BCLAF1: variants seen among roughly 807,000 people sequenced by gnomAD.
BCLAF1 encodes the protein bcl-2-associated transcription factor 1.
In BCLAF1, 10 loss-of-function variants were observed where a neutral mutation model predicts 99.5. The observed-to-expected ratio is 0.10, with a 90% CI of 0.06 to 0.17. The LOEUF (loss-of-function observed/expected upper bound fraction) is 0.17. BCLAF1 is among the 10% of genes least tolerant of loss of function. BCLAF1 has a pLI of 1.00. For missense variants in BCLAF1, 636 were observed against 1,105.8 expected (o/e 0.58, Z 6.02); for synonymous variants, 255 against 370.9 (o/e 0.69, Z 3.59).
intron 11 of BCLAF1, among the ~76,000 whole-genome samples, chr6:136,264,912 C>T (rs1781512758): frequency 6.6e-6 from 1 of 152,118 alleles, no homozygotes; most frequent in Non-Finnish European, 1.5e-5. Flanking sequence ...TTATAAGTGG[C>T]TAAATTCTTA....
chr6:136,279,916 TATG>T, intron 2 of BCLAF1, 40 bp from the exon 3 acceptor site: 6 of 1,387,058 alleles, frequency 4.3e-6, no homozygotes, highest in Non-Finnish European at 4.7e-6. Flanking sequence ...AAAATTACAA[TATG>T]ATATTTAAAA....
rs1780719855 is a variant in BCLAF1, at chr6:136,259,503, C to A, written c.*1607G>T. ...AATATTAGTTATGCCCTGATTAATG[C>A]AATACATACTTCCTTTGGCAGGTAT... is the stretch of plus-strand genomic sequence containing the variant. On this transcript the variant is annotated 3_prime_UTR_variant, in exon 13 of 13. Transcript: ENST00000531224. 6.6e-6 allele frequency: 1 copy of A among 152,028 alleles called. No individual in the cohort carries two copies. Among genetic ancestry groups the A allele is most frequent in the African/African-American group, 2.4e-5 (1 of 41,426 alleles). 9.4% of individuals were successfully genotyped at this position (152,028 alleles called of 1,614,324 possible).
In BCLAF1 at chr6:136,284,130, G is replaced by GTATATATATATA. The variant is rs60218804; in HGVS notation, c.-114-1455_-114-1444dup. ...TATACATATATATGTGTGTGTGTGT[G>GTATATATATATA]TATATATATATATATATATATATAT... On this transcript the variant is annotated intron_variant, in intron 1 of 12. Coordinates refer to ENST00000531224, the MANE Select transcript of BCLAF1 (RefSeq NM_014739.3). Among the ~76,000 whole-genome samples, 179 of 122,072 alleles carry GTATATATATATA rather than the reference G, an allele frequency of 1.5e-3. 3 individuals are homozygous for GTATATATATATA. Among genetic ancestry groups the GTATATATATATA allele is most frequent in the Middle Eastern group, 4.1e-3 (1 of 244 alleles). The allele number at this position is 122,072 out of a possible 152,430, so 80.1% of individuals were successfully genotyped here.
intron 2 of BCLAF1, 89 bp from the exon 3 acceptor site, chr6:136,279,965 T>C (rs909331444): frequency 7.9e-7 from 1 of 1,266,342 alleles, no homozygotes; most frequent in Non-Finnish European, 1.0e-6. Flanking sequence ...TAAAATTTGA[T>C]TTTTACAAGT....
chr6:136,258,854 T>A lies in BCLAF1; in HGVS notation c.*2256A>T, dbSNP rs1780647177. On this transcript the variant is annotated 3_prime_UTR_variant, in exon 13 of 13. Coordinates refer to ENST00000531224, the MANE Select transcript of BCLAF1 (RefSeq NM_014739.3). ...AAGGTACACATACACACCTAAAGAG[T>A]CATGGCCTTCTTAAACAGCTTTCTT... The A allele has an allele frequency of 6.6e-6, 1 of 152,236 alleles. No homozygotes were observed. Among genetic ancestry groups the A allele is most frequent in the African/African-American group, 2.4e-5 (1 of 41,330 alleles). The allele number at this position is 152,236 out of a possible 1,614,324, so 9.4% of individuals were successfully genotyped here. A position where few individuals can be genotyped will look rare whatever the true frequency, so the allele number is the denominator to read the frequency against.
intron 11 of BCLAF1, among the ~76,000 whole-genome samples, chr6:136,263,077 C>G (rs1331740922): frequency 2.6e-5 from 4 of 152,152 alleles, no homozygotes; most frequent in African/African-American, 9.7e-5. Flanking sequence ...CTGTTCTGAA[C>G]ACTTCACATG....
intron 4 of BCLAF1, 126 bp downstream of exon 4, chr6:136,277,739 A>C (rs1783627150): frequency 1.7e-6 from 2 of 1,157,108 alleles, no homozygotes; most frequent in Non-Finnish European, 2.3e-6. Context: ...ATTATCTTAA[A>C]ATGAAGGAAG....
chr6:136,261,051 T>G lies in BCLAF1; in HGVS notation c.*59A>C. On this transcript the variant is annotated 3_prime_UTR_variant, in exon 13 of 13. Transcript: ENST00000531224. ...TTACATTCTTATTTGAAAACAAAAA[T>G]CAGGTAAAAAAAATGGTGGGTGCAA... The G allele has an allele frequency of 6.7e-7, 1 of 1,482,150 alleles. No homozygotes were observed. Among genetic ancestry groups the G allele is most frequent in the Non-Finnish European group, 9.1e-7 (1 of 1,100,480 alleles). 91.8% of individuals were successfully genotyped at this position (1,482,150 alleles called of 1,614,324 possible).
rs1179594975 is a variant in BCLAF1, at chr6:136,260,805, C to T, written c.*305G>A. 2.5e-6 allele frequency: 1 copy of T among 401,802 alleles called. No homozygotes were observed. Among genetic ancestry groups the T allele is most frequent in the Non-Finnish European group, 4.4e-6 (1 of 226,940 alleles). The allele number at this position is 401,802 out of a possible 1,614,324, so 24.9% of individuals were successfully genotyped here. A position where few individuals can be genotyped will look rare whatever the true frequency, so the allele number is the denominator to read the frequency against. ...GAAGAGAATCAGAACTTTCACAGAG[C>T]TGTACTTGACCATATCTTATAGACA... On this transcript the variant is annotated 3_prime_UTR_variant, in exon 13 of 13. Coordinates refer to ENST00000531224, the MANE Select transcript of BCLAF1 (RefSeq NM_014739.3).
At chr6:136,287,374 G>C (rs535120490) in intron 1 of BCLAF1, among the ~76,000 whole-genome samples, 1 of 152,268 alleles carries the variant, frequency 6.6e-6, no homozygotes, top group East Asian at 1.9e-4. Flanking sequence ...ATATAATCTA[G>C]TATTATCTTC....
In BCLAF1 at chr6:136,267,021, A is replaced by G; in HGVS notation, c.2544+8T>C. On this transcript the variant is annotated splice_region_variant and intron_variant, in intron 11 of 12. Coordinates refer to ENST00000531224, the MANE Select transcript of BCLAF1 (RefSeq NM_014739.3). ...CAAACCAAATAAACACAGATGTCTA[A>G]CACCCACCAAGAAGTACTTCTTGCT... The G allele has an allele frequency of 2.5e-6, 4 of 1,612,516 alleles. No homozygotes were observed. The highest frequency in any genetic ancestry group is 3.4e-6 in the Non-Finnish European group (4 of 1,179,018).
At chr6:136,261,661 G>A (rs1232741596) in intron 11 of BCLAF1, among the ~76,000 whole-genome samples, 184 bp from the exon 12 acceptor site, 1 of 152,052 alleles carries the variant, frequency 6.6e-6, no homozygotes, top group Non-Finnish European at 1.5e-5. Context: ...CCATCATCAA[G>A]AGAATAACTA....
intron 8 of BCLAF1, 149 bp from the exon 9 acceptor site, chr6:136,269,761 T>A: frequency 1.9e-6 from 1 of 523,352 alleles, no homozygotes; most frequent in Non-Finnish European, 3.0e-6. Context: ...TATCACTTAG[T>A]TTTTGTTAAA....
Position 136,268,231 on chromosome 6 carries a change from T to A in BCLAF1, c.2328A>T (p.Glu776Asp), listed in dbSNP as rs755529416. The A allele has an allele frequency of 5.0e-6, 8 of 1,585,596 alleles. No homozygotes were observed. The Admixed American group carries it at 1.5e-4, about 30-fold the overall frequency. ...EKESKKEREE[E>D]FKTHHEMKEY... The stretch of plus-strand genomic sequence containing the variant: ...CTTTCATTTCATGGTGAGTTTTAAA[T>A]TCTTCTTCTCTTTCCTTCTTACTCT... The change falls in exon 10 of 13, where the codon GAA becomes GAT. Residue 776 changes from glutamate (E) to aspartate (D), a missense_variant. Transcript: ENST00000531224.
chr6:136,268,373 T>C (rs749938089), intron 9 of BCLAF1, 34 bp from the exon 10 acceptor site: 1 of 1,545,416 alleles, frequency 6.5e-7, no homozygotes, highest in South Asian at 1.2e-5. Flanking sequence ...ATGTGATACT[T>C]TTAAAAAGAT....
chr6:136,256,669 C>CGATAAATA lies in BCLAF1; in HGVS notation c.*4440_*4441insTATTTATC, dbSNP rs147870428. ...CTCTAGTCTGGGTAAGACTCCATCTCAATAAATAAATAAATAAATAAATAA... is the reference window on the plus strand; with the variant it reads ...CTCTAGTCTGGGTAAGACTCCATCTCGATAAATAAATAAATAAATAAATAAATAAATAA... On this transcript the variant is annotated 3_prime_UTR_variant, in exon 13 of 13. Coordinates refer to ENST00000531224, the MANE Select transcript of BCLAF1 (RefSeq NM_014739.3). The CGATAAATA allele has an allele frequency of 6.6e-6, 1 of 152,318 alleles. No individual in the cohort carries two copies. The highest frequency in any genetic ancestry group is 1.4e-5 in the Non-Finnish European group (1 of 72,440). The allele number at this position is 152,318 out of a possible 1,614,324, so 9.4% of individuals were successfully genotyped here.
chr6:136,275,509 G>T, intron 6 of BCLAF1, 23 bp downstream of exon 6: 1 of 1,454,802 alleles, frequency 6.9e-7, no homozygotes, highest in South Asian at 1.6e-5. Context: ...TTTAATTCAC[G>T]ATACTAAACA....
chr6:136,282,482 G>C (rs929276766), intron 2 of BCLAF1, 102 bp downstream of exon 2: 1 of 151,996 alleles, frequency 6.6e-6, no homozygotes. Context: ...CAAAGCTTCG[G>C]ACCACATCAT....
chr6:136,284,744 G>A (rs1039706874), intron 1 of BCLAF1, among the ~76,000 whole-genome samples: 1 of 152,032 alleles, frequency 6.6e-6, no homozygotes, highest in Non-Finnish European at 1.5e-5. Context: ...TTTAAGTTAA[G>A]ACTTAAGCTC....
Sources: gnomAD v4.1 joint callset for allele counts (sites outside exome capture counted in the v4.1 genomes callset) on GRCh38, gnomAD v4.1.1 for gene constraint, MANE v1.5 for transcripts, NCBI Gene and HGNC (gene_info 2026-07-23, HGNC 2026-07-21) for gene names.